The following MGAT5 variants were observed in gnomAD, a reference collection of about 807,000 sequenced individuals.
The protein encoded by MGAT5 is alpha-1,6-mannosylglycoprotein 6-beta-N-acetylglucosaminyltransferase.
In MGAT5, 30 loss-of-function variants were observed where a neutral mutation model predicts 94.3. The observed-to-expected ratio is 0.32, with a 90% CI of 0.24 to 0.43. The LOEUF (loss-of-function observed/expected upper bound fraction) is 0.43. Ranked by LOEUF, MGAT5 falls within the 20% of genes least tolerant of loss-of-function variation. The pLI is 1.00. For synonymous variants in MGAT5, 310 were observed against 322.9 expected, an observed-to-expected ratio of 0.96 and a Z score of 0.43; for missense variants, 691 against 905.5, an observed-to-expected ratio of 0.76 and a Z score of 3.04.
chr2:134,265,285 C>T (rs1183515245), intron 1 of MGAT5, among the ~76,000 whole-genome samples: 2 of 152,168 alleles, frequency 1.3e-5, no homozygotes, highest in African/African-American at 2.4e-5. Context: ...AACCTTATTC[C>T]ACCAGCAGGG....
upstream of MGAT5, among the ~76,000 whole-genome samples, chr2:134,253,812 C>T (rs1682762930): frequency 1.3e-5 from 2 of 152,216 alleles, no homozygotes; most frequent in South Asian, 4.1e-4. Context: ...GGGGCATCCA[C>T]TTTCTTGCTC....
chr2:134,408,113 G>A (rs142000913), intron 11 of MGAT5, among the ~76,000 whole-genome samples: 170 of 152,276 alleles, frequency 1.1e-3, no homozygotes, highest in Admixed American at 2.0e-3. Flanking sequence ...GGCTCCAGTC[G>A]TAAATAAGCC....
intron 1 of MGAT5, among the ~76,000 whole-genome samples, chr2:134,222,951 C>T (rs988619779): frequency 6.6e-6 from 1 of 152,040 alleles, no homozygotes; most frequent in African/African-American, 2.4e-5. Flanking sequence ...ATTAGCTATA[C>T]AAAACATAAG....
rs540153537 is a variant in MGAT5 at position 134,412,810 on chromosome 2, G to A, written c.1531-59G>A. The A allele has an allele frequency of 4.1e-4, 652 of 1,590,516 alleles. 2 individuals are homozygous for A. Among genetic ancestry groups the A allele is most frequent in the Non-Finnish European group, 5.4e-4 (632 of 1,164,622 alleles). On this transcript the variant is annotated intron_variant, in intron 11 of 15. Transcript: ENST00000281923. ...CGCCGCCTGCAAGCTAGGAATGCCC[G>A]TCCTGCCTGATGGTCCTGCCTGATG...
chr2:134,242,547 C>T (rs1183711165), intron 1 of MGAT5, among the ~76,000 whole-genome samples: 1 of 152,226 alleles, frequency 6.6e-6, no homozygotes, highest in Non-Finnish European at 1.5e-5. Flanking sequence ...CCTGCTCTTA[C>T]TATCCTAGAT....
chr2:134,451,267 C>T lies in MGAT5; in HGVS notation c.*2420C>T, dbSNP rs1037098544. 2.0e-5 allele frequency: 3 copies of T among 152,266 alleles called. No individual in the cohort carries two copies. The highest frequency in any genetic ancestry group is 4.8e-5 in the African/African-American group (2 of 41,448). The allele number at this position is 152,266 out of a possible 1,614,324, so 9.4% of individuals were successfully genotyped here. Reference sequence around the variant, plus strand: ...CCCGCCCTGCCCGGGCCAGACAGCCCAGAAGAACACTTTTCTGCCATTTAA... The same window carrying T: ...CCCGCCCTGCCCGGGCCAGACAGCCTAGAAGAACACTTTTCTGCCATTTAA... On this transcript the variant is annotated 3_prime_UTR_variant, in exon 16 of 16. Coordinates refer to ENST00000281923, the MANE Select transcript of MGAT5 (RefSeq NM_002410.5).
chr2:134,129,365 G>C (rs746716823), intron 1 of MGAT5, among the ~76,000 whole-genome samples: 1 of 152,144 alleles, frequency 6.6e-6, no homozygotes, highest in Non-Finnish European at 1.5e-5. Flanking sequence ...TTAATGCAGC[G>C]TAATCTCCCA....
At chr2:134,177,159 G>GTGTGTGTGTGTGTGTGTGTGTGTGTA (rs1421525044) in intron 1 of MGAT5, among the ~76,000 whole-genome samples, 1 of 151,970 alleles carries the variant, frequency 6.6e-6, no homozygotes. Context: ...GTGTGTGTGT[G>GTGTGTGTGTGTGTGTGTGTGTGTGTA]TGTATGTATC....
intron 4 of MGAT5, among the ~76,000 whole-genome samples, chr2:134,333,912 T>A (rs1025706925): frequency 3.3e-5 from 5 of 152,106 alleles, no homozygotes; most frequent in African/African-American, 9.7e-5. Context: ...TTTTCCCTTC[T>A]CCCCATGGGA....
intron 1 of MGAT5, among the ~76,000 whole-genome samples, chr2:134,191,370 T>C (rs1335316977): frequency 6.6e-6 from 1 of 152,248 alleles, no homozygotes; most frequent in Middle Eastern, 3.2e-3. Flanking sequence ...TCAACCCTCC[T>C]GAATAGATGA....
intron 1 of MGAT5, among the ~76,000 whole-genome samples, chr2:134,185,325 G>A (rs1167822033): frequency 6.6e-6 from 1 of 152,162 alleles, no homozygotes; most frequent in Non-Finnish European, 1.5e-5. Flanking sequence ...TACCCCTCTT[G>A]TTTTCCAAAT....
intron 1 of MGAT5, among the ~76,000 whole-genome samples, chr2:134,214,305 G>T (rs760942272): frequency 3.3e-5 from 5 of 151,840 alleles, no homozygotes; most frequent in African/African-American, 4.8e-5. Flanking sequence ...GAAGTGAGGG[G>T]CATGCAAAGT....
intron 1 of MGAT5, among the ~76,000 whole-genome samples, chr2:134,123,663 G>A (rs1288519561): frequency 6.6e-6 from 1 of 152,170 alleles, no homozygotes; most frequent in Non-Finnish European, 1.5e-5. Flanking sequence ...TTGTCTCTGG[G>A]GGTTTCGTAT....
chr2:134,412,455 G>A (rs1015846557), intron 11 of MGAT5, among the ~76,000 whole-genome samples: 1 of 151,948 alleles, frequency 6.6e-6, no homozygotes, highest in African/African-American at 2.4e-5. Context: ...TGTTTCTTTG[G>A]TTCAATGAAG....
chr2:134,444,783 T>C (rs1685679906), intron 15 of MGAT5, among the ~76,000 whole-genome samples: 1 of 152,210 alleles, frequency 6.6e-6, no homozygotes, highest in South Asian at 2.1e-4. Context: ...GTGTCCTGTG[T>C]TGTCTTGAAT....
intron 10 of MGAT5, 60 bp downstream of exon 10, chr2:134,362,468 A>G: frequency 6.3e-7 from 1 of 1,582,334 alleles, no homozygotes; most frequent in South Asian, 1.2e-5. Context: ...AATTTAATTT[A>G]ACTTTGATCC....
In MGAT5 at chr2:134,207,576, T is replaced by TAA. The variant is rs200009308; in HGVS notation, c.-142-46673_-142-46672dup. ...AAACCTCACAATGACACTGAAAGGT[T>TAA]AAAAAAAAAAAAAAGAAAAATACAG... On this transcript the variant is annotated intron_variant, in intron 1 of 16. Coordinates refer to the MGAT5 transcript ENST00000409645. Among the ~76,000 whole-genome samples, 394 of 142,506 alleles carry TAA rather than the reference T, an allele frequency of 2.8e-3. 3 individuals are homozygous for TAA. Among genetic ancestry groups the TAA allele is most frequent in the African/African-American group, 8.4e-3 (327 of 38,960 alleles). 93.5% of individuals were successfully genotyped at this position (142,506 alleles called of 152,430 possible).
At chr2:134,269,175 C>A (rs1683882585) in intron 1 of MGAT5, among the ~76,000 whole-genome samples, 1 of 152,180 alleles carries the variant, frequency 6.6e-6, no homozygotes, top group Non-Finnish European at 1.5e-5. Context: ...GCTCAAGATT[C>A]TGCAGCTGTA....
chr2:134,199,671 A>G lies in MGAT5; in HGVS notation c.-142-54591A>G, dbSNP rs539737256. Among the ~76,000 whole-genome samples, 21 of 152,090 alleles carry G rather than the reference A, an allele frequency of 1.4e-4. No homozygotes were observed. In the East Asian group the frequency reaches 2.9e-3, roughly 21 times the overall value. ...GATTTTTTTCTCTGACTTTTGGATG[A>G]CTTGAATACTCATTTTGTGGGTTCA... On this transcript the variant is annotated intron_variant, in intron 1 of 16. Transcript: ENST00000409645.
Sources: allele counts gnomAD v4.1 joint callset (sites outside exome capture counted in the v4.1 genomes callset), GRCh38; gene constraint gnomAD v4.1.1; transcripts MANE v1.5; gene names NCBI Gene and HGNC (gene_info 2026-07-23, HGNC 2026-07-21).